The following EXT1 variants were observed in gnomAD, a reference collection of about 807,000 sequenced individuals.
EXT1 encodes exostosin-1.
EXT1 carries 20 observed loss-of-function variants against 82.5 expected under a neutral mutation model. The observed-to-expected ratio is 0.24, with a 90% CI of 0.17 to 0.35. EXT1 has a LOEUF of 0.35. EXT1 is among the 10% of genes least tolerant of loss of function. The pLI, the probability that EXT1 is intolerant of heterozygous loss-of-function variation, is 1.00. For missense variants in EXT1, 757 were observed against 936.5 expected, an observed-to-expected ratio of 0.81 and a Z score of 2.50; for synonymous variants, 348 against 350.8, an observed-to-expected ratio of 0.99 and a Z score of 0.09.
rs751787859 is a variant in EXT1, at chr8:117,799,797, T to G, written c.2156A>C (p.His719Pro). 6 of 1,613,838 alleles carry G rather than the reference T, an allele frequency of 3.7e-6. No individual in the cohort carries two copies. The highest frequency in any genetic ancestry group is 5.1e-6 in the Non-Finnish European group (6 of 1,179,986). Residue 719 changes from histidine (H) to proline (P), a missense_variant, in exon 11 of 11, where the codon CAC becomes CCC. Physicochemically the swap from His to Pro is moderately conservative, Grantham distance 77. Coordinates refer to ENST00000378204, the MANE Select transcript of EXT1 (RefSeq NM_000127.3). ...GACGGGGTCGAGCCTCATCTGAGAG[T>G]GGATCAGCGGCATGTAGCCAAACCA... ...ASWFGYMPLI[H>P]SQMRLDPVLF...
intron 1 of EXT1, among the ~76,000 whole-genome samples, chr8:117,980,775 C>T (rs1313386304): frequency 7.2e-6 from 1 of 138,492 alleles, no homozygotes; most frequent in Non-Finnish European, 1.5e-5. Context: ...GGTTTTCCAA[C>T]ACTGTTTTCA....
chr8:117,936,761 G>A (rs1814172114), intron 1 of EXT1, among the ~76,000 whole-genome samples: 2 of 152,306 alleles, frequency 1.3e-5, no homozygotes, highest in South Asian at 2.1e-4. Context: ...TGTAATCCCA[G>A]CTACTTGGGA....
chr8:118,081,949 G>A (rs535161229), intron 1 of EXT1, among the ~76,000 whole-genome samples: 35 of 152,212 alleles, frequency 2.3e-4, no homozygotes, highest in Admixed American at 1.8e-3. Context: ...CAGATATAAG[G>A]TAAATATATG....
chr8:118,012,727 C>T (rs904788946), intron 1 of EXT1, among the ~76,000 whole-genome samples: 8 of 152,172 alleles, frequency 5.3e-5, no homozygotes, highest in Non-Finnish European at 1.0e-4. Flanking sequence ...AACAATGATG[C>T]ATGTAAATTG....
intron 1 of EXT1, among the ~76,000 whole-genome samples, chr8:118,077,409 C>A (rs180795968): frequency 1.3e-5 from 2 of 152,302 alleles, no homozygotes; most frequent in African/African-American, 4.8e-5. Context: ...ACAGTTATTG[C>A]ACCATAGATA....
intron 1 of EXT1, among the ~76,000 whole-genome samples, chr8:117,915,393 A>G (rs2129999633): frequency 6.6e-6 from 1 of 151,842 alleles, no homozygotes; most frequent in African/African-American, 2.4e-5. Flanking sequence ...ATTCATTTAG[A>G]TCTCCCTCAT....
intron 1 of EXT1, 102 bp downstream of exon 1, chr8:118,109,983 G>T: frequency 6.3e-7 from 1 of 1,577,452 alleles, no homozygotes. Context: ...AAAGAGGACT[G>T]AGGGCTCATC....
chr8:117,813,006 G>C, intron 7 of EXT1, 45 bp from the exon 8 acceptor site: 2 of 1,516,016 alleles, frequency 1.3e-6, no homozygotes, highest in Non-Finnish European at 9.1e-7. Flanking sequence ...ATGAGGGAAA[G>C]AGGTAACTTC....
At chr8:118,039,524 C>T (rs946260362) in intron 1 of EXT1, among the ~76,000 whole-genome samples, 1 of 128,828 alleles carries the variant, frequency 7.8e-6, no homozygotes, top group Non-Finnish European at 1.6e-5. Flanking sequence ...GGCGCCACTT[C>T]ACTCCAGCCT....
At chr8:118,031,492 T>C (rs1816318182) in intron 1 of EXT1, among the ~76,000 whole-genome samples, 2 of 151,746 alleles carry the variant, frequency 1.3e-5, no homozygotes, top group Non-Finnish European at 2.9e-5. Flanking sequence ...GTCATTGTAC[T>C]CTAGCTGGGG....
intron 1 of EXT1, among the ~76,000 whole-genome samples, chr8:118,055,627 G>C (rs1163579947): frequency 1.3e-5 from 2 of 152,082 alleles, no homozygotes; most frequent in Admixed American, 6.5e-5. Flanking sequence ...CAGATGGCTG[G>C]TCTTGTCATT....
chr8:118,035,629 T>A (rs1816405774), intron 1 of EXT1, among the ~76,000 whole-genome samples: 1 of 151,988 alleles, frequency 6.6e-6, no homozygotes, highest in African/African-American at 2.4e-5. Context: ...CCATCCAATG[T>A]CAAAACTGCA....
At chr8:117,830,583 A>G (rs1270942119) in intron 3 of EXT1, among the ~76,000 whole-genome samples, 2 of 152,206 alleles carry the variant, frequency 1.3e-5, no homozygotes, top group Non-Finnish European at 2.9e-5. Flanking sequence ...GTTACAGTTC[A>G]CCTCTAAGAT....
intron 1 of EXT1, among the ~76,000 whole-genome samples, chr8:117,941,887 C>A (rs913408884): frequency 6.6e-6 from 1 of 152,216 alleles, no homozygotes; most frequent in African/African-American, 2.4e-5. Flanking sequence ...CTTGCTGTGT[C>A]ACTCCACACT....
intron 1 of EXT1, among the ~76,000 whole-genome samples, chr8:118,080,434 T>C (rs1817293583): frequency 6.6e-6 from 1 of 152,144 alleles, no homozygotes; most frequent in Non-Finnish European, 1.5e-5. Context: ...TTTTTTTTTT[T>C]ACCTCCCATA....
Position 117,799,781 on chromosome 8 carries a change from G to A in EXT1, c.2172C>T (p.Leu724=), listed in dbSNP as rs570085150. ...CCTGGTCTTTAAAGAGGACGGGGTCGAGCCTCATCTGAGAGTGGATCAGCG... is the reference window on the plus strand; with the variant it reads ...CCTGGTCTTTAAAGAGGACGGGGTCAAGCCTCATCTGAGAGTGGATCAGCG... ...YMPLIHSQMR[L]DPVLFKDQVS... is the part of the protein sequence containing the mutation. The change falls in exon 11 of 11, where the codon CTC becomes CTT. Residue 724 remains leucine (L), a synonymous_variant. Transcript: ENST00000378204. 30 of 1,614,014 alleles carry A rather than the reference G, an allele frequency of 1.9e-5. No homozygotes were observed. The highest frequency in any genetic ancestry group is 5.5e-5 in the South Asian group (5 of 91,076).
chr8:118,056,074 G>A (rs538378616), intron 1 of EXT1, among the ~76,000 whole-genome samples: 1 of 125,682 alleles, frequency 8.0e-6, no homozygotes, highest in African/African-American at 2.7e-5. Context: ...TGATGAGCTA[G>A]GAAAAAAAAA....
At chr8:118,046,610 AT>A (rs1816627389) in intron 1 of EXT1, among the ~76,000 whole-genome samples, 1 of 152,164 alleles carries the variant, frequency 6.6e-6, no homozygotes, top group Non-Finnish European at 1.5e-5. Context: ...GAATTCCCTA[AT>A]ACTTTGTATT....
Position 118,111,377 on chromosome 8 carries a change from G to GA in EXT1, c.-332dup, listed in dbSNP as rs1190777853. The GA allele has an allele frequency of 4.4e-4, 240 of 548,094 alleles. 1 individual carries two copies. Among genetic ancestry groups the GA allele is most frequent in the South Asian group, 2.4e-3 (93 of 38,558 alleles). 34.0% of individuals were successfully genotyped at this position (548,094 alleles called of 1,614,324 possible). A position where few individuals can be genotyped will look rare whatever the true frequency, so the allele number is the denominator to read the frequency against. On this transcript the variant is annotated 5_prime_UTR_variant, in exon 1 of 11. Transcript: ENST00000378204. Reference sequence around the variant, plus strand: ...CGGAGGAAAAGAAAGAGAGAGGGGAGAAAAAAAAAGCTCCCGATACCCAAT... The same window carrying GA: ...CGGAGGAAAAGAAAGAGAGAGGGGAGAAAAAAAAAAGCTCCCGATACCCAAT...
Sources: allele counts gnomAD v4.1 joint callset (sites outside exome capture counted in the v4.1 genomes callset), GRCh38; gene constraint gnomAD v4.1.1; transcripts MANE v1.5; gene names NCBI Gene and HGNC (gene_info 2026-07-23, HGNC 2026-07-21).